NTM: variants seen among roughly 807,000 people sequenced by gnomAD.
NTM encodes IgLON family member 2.
In NTM, 13 loss-of-function variants were observed where a neutral mutation model predicts 42.1. That is an observed-to-expected ratio of 0.31 (90% CI 0.20 to 0.49). NTM has a LOEUF of 0.49. Among genes scored for constraint, NTM ranks in the 20% least tolerant of loss-of-function variants. The pLI is 0.99. For synonymous variants in NTM, 187 were observed against 179.2 expected, an observed-to-expected ratio of 1.04 and a Z score of -0.35; for missense variants, 373 against 452.8, an observed-to-expected ratio of 0.82 and a Z score of 1.60.
intron 3 of NTM, among the ~76,000 whole-genome samples, chr11:132,196,541 A>G (rs776280812): frequency 1.3e-5 from 2 of 152,230 alleles, no homozygotes; most frequent in Non-Finnish European, 2.9e-5. Context: ...GAATCAGCCT[A>G]TATGCCCATC....
intron 1 of NTM, chr11:131,774,139 T>C (rs1251667930): frequency 1.0e-6 from 1 of 984,488 alleles, no homozygotes; most frequent in Non-Finnish European, 1.2e-6. Context: ...GAATTCTTCA[T>C]AAATGTCAGT....
intron 1 of NTM, among the ~76,000 whole-genome samples, chr11:131,607,557 C>T (rs1481836166): frequency 6.6e-6 from 1 of 152,172 alleles, no homozygotes; most frequent in African/African-American, 2.4e-5. Context: ...TGGCCTCTCT[C>T]TCCTGGGGTA....
chr11:131,836,690 G>GT (rs970934972), intron 1 of NTM, among the ~76,000 whole-genome samples: 3 of 152,016 alleles, frequency 2.0e-5, no homozygotes, highest in African/African-American at 7.2e-5. Flanking sequence ...GGGATGCTTT[G>GT]TTTACTTTAA....
chr11:131,936,531 T>C (rs2134156978), intron 2 of NTM, among the ~76,000 whole-genome samples: 1 of 152,302 alleles, frequency 6.6e-6, no homozygotes, highest in Non-Finnish European at 1.5e-5. Context: ...AACTACCTAA[T>C]GGATACAATG....
chr11:132,304,122 G>A (rs1393213754), intron 4 of NTM, among the ~76,000 whole-genome samples: 5 of 152,164 alleles, frequency 3.3e-5, no homozygotes, highest in Non-Finnish European at 2.9e-5. Flanking sequence ...GCTACTTTGT[G>A]GAGGGCTTTG....
At position 131,610,820 on chromosome 11, in the gene NTM, G is replaced by A. The variant is rs542165161; in HGVS notation, c.82+239932G>A. On this transcript the variant is annotated intron_variant, in intron 1 of 8. Transcript: ENST00000683400. ...TGTGGGGATATGCTATGAAATGAACGCTGAGGATCCTAAATGCTGGACCAA... is the reference window on the plus strand; with the variant it reads ...TGTGGGGATATGCTATGAAATGAACACTGAGGATCCTAAATGCTGGACCAA... 1.1e-4 allele frequency among the ~76,000 whole-genome samples: 16 copies of A among 152,264 alleles called. No homozygotes were observed. The East Asian group carries it at 1.4e-3, about 13-fold the overall frequency.
At chr11:131,436,214 T>C (rs1398549716) in intron 1 of NTM, among the ~76,000 whole-genome samples, 3 of 152,232 alleles carry the variant, frequency 2.0e-5, no homozygotes, top group Non-Finnish European at 2.9e-5. Flanking sequence ...GATTTTAGCA[T>C]TGATGTTCAT....
At chr11:131,455,993 G>T (rs1404035574) in intron 1 of NTM, among the ~76,000 whole-genome samples, 1 of 152,224 alleles carries the variant, frequency 6.6e-6, no homozygotes, top group Non-Finnish European at 1.5e-5. Flanking sequence ...TGTTCTGAAA[G>T]AAAGTTCATT....
intron 1 of NTM, among the ~76,000 whole-genome samples, chr11:131,689,743 A>G (rs1283694841): frequency 1.3e-5 from 2 of 152,120 alleles, no homozygotes; most frequent in African/African-American, 4.8e-5. Flanking sequence ...GCAGGCTTGG[A>G]CTGCACTCCT....
rs181112268 is a variant in NTM at position 132,068,757 on chromosome 11, G to T, written c.168-77525G>T. Among the ~76,000 whole-genome samples, 426 of 152,312 alleles carry T rather than the reference G, an allele frequency of 2.8e-3. 4 individuals carry two copies. The highest frequency in any genetic ancestry group is 9.9e-3 in the African/African-American group (411 of 41,564). ...ATGATGATGGGTGCTGGCTAGGCAAGTCTGAAATCTGTAAAGCAGGCCATC... is the reference window on the plus strand; with the variant it reads ...ATGATGATGGGTGCTGGCTAGGCAATTCTGAAATCTGTAAAGCAGGCCATC... On this transcript the variant is annotated intron_variant, in intron 2 of 8. Transcript: ENST00000683400.
chr11:131,605,145 A>G (rs1413928363), intron 1 of NTM, among the ~76,000 whole-genome samples: 1 of 151,796 alleles, frequency 6.6e-6, no homozygotes, highest in Non-Finnish European at 1.5e-5. Flanking sequence ...GAATCAATCA[A>G]TACATTTAGA....
intron 1 of NTM, among the ~76,000 whole-genome samples, chr11:131,898,911 A>T (rs1181982684): frequency 6.6e-6 from 1 of 152,016 alleles, no homozygotes. Context: ...CTCATGCATG[A>T]TCTATTGCTT....
At chr11:131,447,335 G>A (rs749419699) in intron 1 of NTM, among the ~76,000 whole-genome samples, 10 of 152,142 alleles carry the variant, frequency 6.6e-5, no homozygotes, top group Admixed American at 1.3e-4. Context: ...CAGAGTTCAC[G>A]TGCTAACCAT....
intron 3 of NTM, among the ~76,000 whole-genome samples, chr11:132,174,604 G>A (rs971474888): frequency 4.6e-5 from 7 of 152,174 alleles, no homozygotes; most frequent in Non-Finnish European, 8.8e-5. Context: ...GCTGCTCTTT[G>A]TGCAGCCATT....
chr11:131,713,621 A>G (rs1411408027), intron 1 of NTM, among the ~76,000 whole-genome samples: 1 of 152,076 alleles, frequency 6.6e-6, no homozygotes, highest in African/African-American at 2.4e-5. Context: ...CAAGTAGGCA[A>G]TCATATCATT....
intron 6 of NTM, among the ~76,000 whole-genome samples, chr11:132,310,900 C>G (rs2095260542): frequency 6.6e-6 from 1 of 152,122 alleles, no homozygotes; most frequent in Non-Finnish European, 1.5e-5. Context: ...AGCCAGGCAC[C>G]ATGGCAATTG....
chr11:131,978,914 C>A (rs1378126376), intron 2 of NTM, among the ~76,000 whole-genome samples: 1 of 152,130 alleles, frequency 6.6e-6, no homozygotes, highest in Non-Finnish European at 1.5e-5. Flanking sequence ...TATTAACATT[C>A]TGTGGCAGAT....
At chr11:132,104,355 C>T (rs182176145) in intron 2 of NTM, among the ~76,000 whole-genome samples, 3 of 152,048 alleles carry the variant, frequency 2.0e-5, no homozygotes, top group African/African-American at 7.2e-5. Flanking sequence ...CCATTTTCCC[C>T]CGTCCCATCT....
rs562985263 is a variant in NTM at position 131,761,244 on chromosome 11, A to G, written c.83-150320A>G. 4.6e-5 allele frequency among the ~76,000 whole-genome samples: 7 copies of G among 152,276 alleles called. No individual in the cohort carries two copies. In the East Asian group the frequency reaches 1.4e-3, roughly 29 times the overall value. Reference sequence around the variant, plus strand: ...CCTATTCCTCACAGCAGTTCAGTGTAGTAGGCTTATTAGTCACATTTTACA... The same window carrying G: ...CCTATTCCTCACAGCAGTTCAGTGTGGTAGGCTTATTAGTCACATTTTACA... On this transcript the variant is annotated intron_variant, in intron 1 of 8. Transcript: ENST00000683400.
Sources: gnomAD v4.1 joint callset for allele counts (sites outside exome capture counted in the v4.1 genomes callset) on GRCh38, gnomAD v4.1.1 for gene constraint, MANE v1.5 for transcripts, NCBI Gene and HGNC (gene_info 2026-07-23, HGNC 2026-07-21) for gene names.